CDKAL1: variants seen among roughly 807,000 people sequenced by gnomAD.
The protein encoded by CDKAL1 is threonylcarbamoyladenosine tRNA methylthiotransferase.
Under a neutral mutation model 68.2 loss-of-function variants are expected in CDKAL1, and 32 were observed. The observed-to-expected ratio is 0.47, with a 90% CI of 0.35 to 0.63. The LOEUF is 0.63. Ranked by LOEUF, CDKAL1 falls within the 30% of genes least tolerant of loss-of-function variation. The pLI is 0.00. For missense variants in CDKAL1, 606 were observed against 696.7 expected, an observed-to-expected ratio of 0.87 and a Z score of 1.47; for synonymous variants, 234 against 244.3, an observed-to-expected ratio of 0.96 and a Z score of 0.39.
chr6:21,198,802 C>G (rs1582402595), intron 14 of CDKAL1, among the ~76,000 whole-genome samples: 1 of 152,208 alleles, frequency 6.6e-6, no homozygotes, highest in East Asian at 1.9e-4. Context: ...ACCGAGGAGC[C>G]TGACTTCTGT....
At chr6:21,067,152 A>G (rs1025788830) in intron 12 of CDKAL1, among the ~76,000 whole-genome samples, 34 of 152,190 alleles carry the variant, frequency 2.2e-4, no homozygotes, top group African/African-American at 8.0e-4. Flanking sequence ...AAGAAATTGA[A>G]CATCACCAAG....
intron 4 of CDKAL1, among the ~76,000 whole-genome samples, chr6:20,590,303 C>A (rs1392144172): frequency 6.6e-6 from 1 of 152,032 alleles, no homozygotes; most frequent in African/African-American, 2.4e-5. Flanking sequence ...ATGCAAATTA[C>A]CTACTATGCA....
chr6:21,207,475 A>G (rs539440623), intron 15 of CDKAL1, among the ~76,000 whole-genome samples: 4 of 152,100 alleles, frequency 2.6e-5, no homozygotes, highest in Non-Finnish European at 5.9e-5. Context: ...GCAGGGAGCC[A>G]CTGCAGCCCA....
intron 12 of CDKAL1, among the ~76,000 whole-genome samples, chr6:21,089,984 T>G (rs1772912518): frequency 7.1e-6 from 1 of 141,538 alleles, no homozygotes; most frequent in African/African-American, 2.8e-5. Context: ...ACTCTTGTTT[T>G]TTATTGCTAT....
intron 4 of CDKAL1, among the ~76,000 whole-genome samples, chr6:20,648,112 A>G (rs557264891): frequency 1.3e-5 from 2 of 150,802 alleles, no homozygotes; most frequent in South Asian, 2.1e-4. Context: ...CATGTTTATA[A>G]TAAAATACTG....
chr6:20,712,817 T>C (rs1771910118), intron 5 of CDKAL1, among the ~76,000 whole-genome samples: 2 of 152,106 alleles, frequency 1.3e-5, no homozygotes, highest in Non-Finnish European at 2.9e-5. Context: ...GCTAAGTTTT[T>C]GTATTTTTAG....
intron 11 of CDKAL1, among the ~76,000 whole-genome samples, chr6:21,052,716 A>G (rs1417676777): frequency 1.3e-5 from 2 of 151,832 alleles, no homozygotes; most frequent in African/African-American, 2.4e-5. Flanking sequence ...TCAAAGTTGA[A>G]CTGTTAAGAC....
At chr6:20,547,149 A>C (rs957632530) in intron 3 of CDKAL1, among the ~76,000 whole-genome samples, 3 of 152,102 alleles carry the variant, frequency 2.0e-5, no homozygotes, top group Non-Finnish European at 4.4e-5. Context: ...ATTTTAGAGC[A>C]TTGTGGATTT....
At chr6:20,721,890 A>G (rs1430216907) in intron 5 of CDKAL1, among the ~76,000 whole-genome samples, 1 of 151,484 alleles carries the variant, frequency 6.6e-6, no homozygotes, top group African/African-American at 2.4e-5. Context: ...GTGCCACCAC[A>G]CCTGGCTAAT....
At chr6:21,052,850 A>G (rs1160282899) in intron 11 of CDKAL1, among the ~76,000 whole-genome samples, 1 of 152,228 alleles carries the variant, frequency 6.6e-6, no homozygotes, top group Non-Finnish European at 1.5e-5. Context: ...CTCCGTCTCT[A>G]CAGAAAATAA....
intron 13 of CDKAL1, among the ~76,000 whole-genome samples, chr6:21,171,614 A>T (rs1777393106): frequency 6.6e-6 from 1 of 152,226 alleles, no homozygotes; most frequent in Non-Finnish European, 1.5e-5. Context: ...GAATGGATAC[A>T]TCACTTTATT....
intron 5 of CDKAL1, among the ~76,000 whole-genome samples, chr6:20,695,446 A>G (rs1305231089): frequency 1.3e-5 from 2 of 152,166 alleles, no homozygotes; most frequent in Non-Finnish European, 2.9e-5. Context: ...CTCTGGATGG[A>G]CATCATTTTC....
chr6:21,130,902 G>T (rs1582263177), intron 13 of CDKAL1, among the ~76,000 whole-genome samples: 1 of 152,306 alleles, frequency 6.6e-6, no homozygotes, highest in African/African-American at 2.4e-5. Flanking sequence ...GGACCTGCCA[G>T]CTAGTGGTGG....
intron 5 of CDKAL1, among the ~76,000 whole-genome samples, chr6:20,667,943 A>G (rs936682023): frequency 1.3e-5 from 2 of 152,112 alleles, no homozygotes; most frequent in Non-Finnish European, 2.9e-5. Flanking sequence ...TGGAAACTTC[A>G]TTACAGCTCT....
chr6:20,756,843 C>CCTTCCTTCCTTT (rs1561749859), intron 6 of CDKAL1: 2 of 137,694 alleles, frequency 1.5e-5, no homozygotes, highest in African/African-American at 3.0e-5. Context: ...TTCCTTTCTT[C>CCTTCCTTCCTTT]CTTCCTTCTC....
At chr6:20,580,515 G>C (rs963106835) in intron 4 of CDKAL1, among the ~76,000 whole-genome samples, 1 of 152,046 alleles carries the variant, frequency 6.6e-6, no homozygotes. Flanking sequence ...GCTGGACTGT[G>C]AGTCTTCTCT....
At chr6:20,717,202 G>A (rs1049536855) in intron 5 of CDKAL1, among the ~76,000 whole-genome samples, 1 of 151,932 alleles carries the variant, frequency 6.6e-6, no homozygotes, top group Admixed American at 6.6e-5. Context: ...GGGGAGGTTT[G>A]CTATAAAGGG....
chr6:20,652,096 C>G (rs1768796342), intron 5 of CDKAL1, among the ~76,000 whole-genome samples: 1 of 152,032 alleles, frequency 6.6e-6, no homozygotes, highest in Non-Finnish European at 1.5e-5. Flanking sequence ...CCCTTGTTTT[C>G]AGTTGTTTGG....
chr6:20,568,753 A>AAAC (rs1554152130), intron 4 of CDKAL1, among the ~76,000 whole-genome samples: 30,378 of 126,084 alleles, frequency 0.24, 4,170 homozygotes, highest in Middle Eastern at 0.3. Flanking sequence ...AAAAAAAACA[A>AAAC]AAAAACAAAA....
Sources: gnomAD v4.1 joint callset for allele counts (sites outside exome capture counted in the v4.1 genomes callset) on GRCh38, gnomAD v4.1.1 for gene constraint, MANE v1.5 for transcripts, NCBI Gene and HGNC (gene_info 2026-07-23, HGNC 2026-07-21) for gene names.